The following ZFHX3 variants were observed in gnomAD, a reference collection of about 807,000 sequenced individuals.
The protein encoded by ZFHX3 is zinc finger homeobox protein 3.
ZFHX3 carries 42 observed loss-of-function variants against 279.1 expected under a neutral mutation model. The observed-to-expected ratio is 0.15, with a 90% CI of 0.12 to 0.19. The LOEUF is 0.19. ZFHX3 is among the 10% of genes least tolerant of loss of function. The pLI is 1.00. For missense variants in ZFHX3, 4,981 were observed against 4,754.0 expected, an observed-to-expected ratio of 1.05 and a Z score of -1.40; for synonymous variants, 2,293 against 1,957.8, an observed-to-expected ratio of 1.17 and a Z score of -4.52.
At chr16:73,006,983 C>T (rs1449329668) in intron 1 of ZFHX3, among the ~76,000 whole-genome samples, 1 of 152,076 alleles carries the variant, frequency 6.6e-6, no homozygotes, top group Non-Finnish European at 1.5e-5. Context: ...TGAGTAAAGA[C>T]CCAATTTTTT....
chr16:72,829,913 C>CTT, intron 4 of ZFHX3, 54 bp from the exon 5 acceptor site: 1 of 1,600,298 alleles, frequency 6.2e-7, no homozygotes, highest in Non-Finnish European at 8.6e-7. Context: ...AGATGAAGGA[C>CTT]TTTTGGCCTC....
chr16:72,982,279 T>A (rs1047973063), intron 1 of ZFHX3, among the ~76,000 whole-genome samples: 2 of 152,212 alleles, frequency 1.3e-5, no homozygotes, highest in Middle Eastern at 3.2e-3. Context: ...AAAAAAATAA[T>A]TCATTCAAAC....
chr16:73,613,210 T>A (rs572789952), intron 2 of ZFHX3, among the ~76,000 whole-genome samples: 1 of 152,196 alleles, frequency 6.6e-6, no homozygotes, highest in South Asian at 2.1e-4. Flanking sequence ...CGAAACAATT[T>A]CACCTGGACC....
At chr16:73,008,095 C>T (rs1284487314) in intron 1 of ZFHX3, among the ~76,000 whole-genome samples, 1 of 152,112 alleles carries the variant, frequency 6.6e-6, no homozygotes, top group African/African-American at 2.4e-5. Context: ...ATTAATATCA[C>T]TTTTATCTTA....
intron 1 of ZFHX3, among the ~76,000 whole-genome samples, chr16:73,716,024 T>A (rs2053411221): frequency 6.6e-6 from 1 of 152,190 alleles, no homozygotes; most frequent in South Asian, 2.1e-4. Context: ...ACACATTGTT[T>A]GAAAAATTAT....
chr16:73,686,312 T>G (rs1350742156), intron 1 of ZFHX3, among the ~76,000 whole-genome samples: 1 of 152,158 alleles, frequency 6.6e-6, no homozygotes, highest in Non-Finnish European at 1.5e-5. Flanking sequence ...TTCAGGCTGG[T>G]CTTGAATTCC....
At chr16:73,121,531 A>G (rs1966498949) in intron 7 of ZFHX3, among the ~76,000 whole-genome samples, 1 of 152,158 alleles carries the variant, frequency 6.6e-6, no homozygotes, top group South Asian at 2.1e-4. Context: ...CCAATCACTC[A>G]GGCTAGGCAC....
chr16:73,760,695 A>G (rs2053854829), intron 1 of ZFHX3, among the ~76,000 whole-genome samples: 1 of 152,240 alleles, frequency 6.6e-6, no homozygotes, highest in South Asian at 2.1e-4. Context: ...AATGTAATTC[A>G]TTACATAAAC....
chr16:73,883,661 G>A (rs1203750793), intron 1 of ZFHX3, among the ~76,000 whole-genome samples: 1 of 151,870 alleles, frequency 6.6e-6, no homozygotes, highest in Admixed American at 6.6e-5. Context: ...TTGGAAAAGT[G>A]TGGCCAGCTA....
intron 4 of ZFHX3, among the ~76,000 whole-genome samples, chr16:73,265,486 T>G (rs1254384404): frequency 6.6e-6 from 1 of 152,180 alleles, no homozygotes; most frequent in South Asian, 2.1e-4. Context: ...TTTTGTTTGT[T>G]TTTTGTGAAT....
rs192420343 is a variant in ZFHX3, at chr16:73,259,360, C to T, written c.-1193-2224G>A. Among the ~76,000 whole-genome samples the T allele has an allele frequency of 2.0e-4, 30 of 152,328 alleles. 1 individual carries two copies. The South Asian group carries it at 3.7e-3, about 19-fold the overall frequency. ...CTTGCCAACGTTCGGTATTTTCAAA[C>T]TTTATAATGTTTGCCAGTCTGATTG... On this transcript the variant is annotated intron_variant, in intron 4 of 17. Transcript: ENST00000641206.
intron 1 of ZFHX3, among the ~76,000 whole-genome samples, chr16:73,695,231 AGTTTTTTTTT>A: frequency 8.3e-6 from 1 of 120,124 alleles, no homozygotes; most frequent in South Asian, 3.0e-4. Flanking sequence ...ATTCAAATAC[AGTTTTTTTTT>A]GTTTTTTTTT....
At chr16:73,312,804 G>C (rs1355212401) in intron 4 of ZFHX3, among the ~76,000 whole-genome samples, 1 of 152,200 alleles carries the variant, frequency 6.6e-6, no homozygotes, top group African/African-American at 2.4e-5. Flanking sequence ...AGATTCTACA[G>C]CAATGCCAAT....
At chr16:73,717,831 G>A (rs9923521) in intron 1 of ZFHX3, among the ~76,000 whole-genome samples, 8,456 of 152,174 alleles carry the variant, frequency 0.056, 288 homozygotes, top group African/African-American at 0.087. Flanking sequence ...TTCCAGAGGC[G>A]GACATTGTGC....
Position 72,796,477 on chromosome 16 carries a change from G to A in ZFHX3, c.6205C>T (p.Pro2069Ser), listed in dbSNP as rs1001751155. 2 of 1,608,382 alleles carry A rather than the reference G, an allele frequency of 1.2e-6. No individual in the cohort carries two copies. Among genetic ancestry groups the A allele is most frequent in the South Asian group, 1.1e-5 (1 of 91,014 alleles). The change falls in exon 9 of 10, where the codon CCA (proline) becomes TCA (serine). Residue 2069 changes from proline to serine, a missense_variant. Pro to Ser is a moderately conservative substitution (Grantham distance 74). This residue lies in a region of ZFHX3 where 1,751 missense variants were observed against 1,770.0 expected (regional missense o/e 0.99). Coordinates refer to ENST00000268489, the MANE Select transcript of ZFHX3 (RefSeq NM_006885.4). ...GCAATTGTAGGTGAGGTGATGGGTG[G>A]GGCTGATGCGGGGATGGCTGGTGTG... ...ASTPAIPASA[P>S]PITSPTIAPA...
At chr16:73,540,521 A>C (rs948897235) in intron 2 of ZFHX3, among the ~76,000 whole-genome samples, 3 of 152,206 alleles carry the variant, frequency 2.0e-5, no homozygotes, top group African/African-American at 7.2e-5. Context: ...AAAAAAGATC[A>C]ATCATTTGAG....
Position 73,787,521 on chromosome 16 carries a change from C to T in ZFHX3, c.-1608+104130G>A, listed in dbSNP as rs1959683488. The stretch of plus-strand genomic sequence containing the variant: ...CTCCTGGTTGCATCCTCTCTAAAAT[C>T]CTCATGCCACCATTAACAATTTGGG... On this transcript the variant is annotated intron_variant, in intron 1 of 17. Transcript: ENST00000641206. Among the ~76,000 whole-genome samples the T allele has an allele frequency of 2.6e-5, 4 of 152,282 alleles. No homozygotes were observed. The South Asian group carries it at 8.3e-4, about 32-fold the overall frequency.
At chr16:73,728,161 G>A (rs748832922) in intron 1 of ZFHX3, among the ~76,000 whole-genome samples, 8 of 152,064 alleles carry the variant, frequency 5.3e-5, no homozygotes, top group East Asian at 1.9e-4. Flanking sequence ...TCTGACTGAC[G>A]TTCTTATAAG....
chr16:73,042,982 T>C (rs1428970014), intron 1 of ZFHX3, among the ~76,000 whole-genome samples: 2 of 151,840 alleles, frequency 1.3e-5, no homozygotes, highest in East Asian at 1.9e-4. Context: ...CACCGGCCCA[T>C]CTTCTCAAGG....
Sources: gnomAD v4.1 joint callset for allele counts (sites outside exome capture counted in the v4.1 genomes callset) on GRCh38, gnomAD v4.1.1 for gene constraint, gnomAD v4.1.1 regional missense constraint, MANE v1.5 for transcripts, NCBI Gene and HGNC (gene_info 2026-07-23, HGNC 2026-07-21) for gene names.